SYNE1: variants seen among roughly 807,000 people sequenced by gnomAD.
SYNE1 encodes spectrin repeat containing nuclear envelope protein 1.
A neutral mutation model predicts 1,111.0 loss-of-function variants in SYNE1; 616 were observed. That is an observed-to-expected ratio of 0.55 (90% confidence interval 0.52 to 0.59). The LOEUF (loss-of-function observed/expected upper bound fraction) is 0.59, where lower values mean the gene tolerates loss of function less well. Among genes scored for constraint, SYNE1 ranks in the 20% least tolerant of loss-of-function variants. The pLI is 0.00. For missense variants in SYNE1, 10,006 were observed against 10,417.0 expected, an observed-to-expected ratio of 0.96 and a Z score of 1.72; for synonymous variants, 3,855 against 3,825.8, an observed-to-expected ratio of 1.01 and a Z score of -0.28.
intron 128 of SYNE1, among the ~76,000 whole-genome samples, chr6:152,186,556 C>CAAAAAAAAAAAAAAAAA (rs59187571): frequency 2.6e-4 from 10 of 38,038 alleles, no homozygotes; most frequent in Non-Finnish European, 3.6e-4. Context: ...AGCTCTGTGT[C>CAAAAAAAAAAAAAAAAA]AAAAAAAAAA....
chr6:152,182,886 G>A (rs2068528381), intron 128 of SYNE1, among the ~76,000 whole-genome samples: 1 of 152,090 alleles, frequency 6.6e-6, no homozygotes. Flanking sequence ...TTCTGGGTTG[G>A]GTGACACTGG....
chr6:152,259,226 C>T (rs1158182599), intron 101 of SYNE1, among the ~76,000 whole-genome samples: 1 of 152,112 alleles, frequency 6.6e-6, no homozygotes, highest in Non-Finnish European at 1.5e-5. Context: ...TTTTTCTTAA[C>T]CTTTGTTTCC....
intron 2 of SYNE1, among the ~76,000 whole-genome samples, chr6:152,628,855 G>C (rs1315822490): frequency 6.6e-6 from 1 of 152,078 alleles, no homozygotes; most frequent in African/African-American, 2.4e-5. Context: ...ATTGATCTAT[G>C]AAAGTGGTTT....
At chr6:152,318,660 T>C (rs2095796041) in intron 85 of SYNE1, among the ~76,000 whole-genome samples, 1 of 152,218 alleles carries the variant, frequency 6.6e-6, no homozygotes, top group African/African-American at 2.4e-5. Context: ...TGCATGTATA[T>C]TTATTAATAC....
chr6:152,194,368 T>G (rs1563384496), intron 127 of SYNE1, among the ~76,000 whole-genome samples: 1 of 152,368 alleles, frequency 6.6e-6, no homozygotes, highest in East Asian at 1.9e-4. Flanking sequence ...AAGAGTCTGC[T>G]GCCAGATGTA....
Position 152,330,877 on chromosome 6 carries a change from G to T in SYNE1, c.13808C>A (p.Ala4603Asp). Residue 4603 changes from alanine to aspartate, a missense_variant, in exon 78 of 146, where the codon GCT becomes GAT. This residue lies in a region of SYNE1 where 4,955 missense variants were observed against 5,017.2 expected (regional missense o/e 0.99). Coordinates refer to ENST00000367255, the MANE Select transcript of SYNE1 (RefSeq NM_182961.4). Reference sequence around the variant, plus strand: ...TTGTTCAAGAATGTTTTGGTATTTAGCCAGTTGTGTATGAAGCTCAGAACT... The same window carrying T: ...TTGTTCAAGAATGTTTTGGTATTTATCCAGTTGTGTATGAAGCTCAGAACT... ...NESSELHTQL[A>D]KYQNILEQSP... is the part of the protein sequence containing the mutation. The T allele has an allele frequency of 6.2e-7, 1 of 1,614,036 alleles. No individual in the cohort carries two copies. Among genetic ancestry groups the T allele is most frequent in the Non-Finnish European group, 8.5e-7 (1 of 1,179,940 alleles).
intron 104 of SYNE1, among the ~76,000 whole-genome samples, chr6:152,251,891 TA>T (rs35286630): frequency 1 from 152,224 of 152,250 alleles, 76,099 homozygotes; most frequent in Middle Eastern, 1. Flanking sequence ...TTTTTTTTCT[TA>T]ATAGTCACTG....
rs141275966 is a variant in SYNE1 at position 152,231,401 on chromosome 6, A to T, written c.21029T>A (p.Val7010Glu). The part of the protein sequence containing the change: ...NKSWQILQGL[V>E]TEKIQLLEGL... ...AAGCCACTGGCTTACCTTCTCAGTT[A>T]CTAGACCTTGCAGAATTTGCCAACT... Residue 7010 changes from valine (V) to glutamate (E), a missense_variant, in exon 114 of 146, where the codon GTA becomes GAA. Val to Glu is a moderately radical substitution (Grantham distance 121). Transcript: ENST00000367255. 70 of 1,614,016 alleles carry T rather than the reference A, an allele frequency of 4.3e-5. No homozygotes were observed. In the African/African-American group the frequency reaches 8.7e-4, roughly 20 times the overall value.
intron 145 of SYNE1, among the ~76,000 whole-genome samples, chr6:152,124,971 A>G (rs1395069631): frequency 6.6e-6 from 1 of 152,176 alleles, no homozygotes; most frequent in African/African-American, 2.4e-5. Context: ...TGCGGTGTGT[A>G]CTTATTAACT....
At chr6:152,538,422 G>A (rs1459923516) in intron 4 of SYNE1, among the ~76,000 whole-genome samples, 1 of 152,024 alleles carries the variant, frequency 6.6e-6, no homozygotes, top group Admixed American at 6.6e-5. Context: ...TGAAATAGAG[G>A]CTCCAGAACA....
chr6:152,213,510 C>T (rs1018982661), intron 123 of SYNE1, 102 bp downstream of exon 123: 32 of 1,318,152 alleles, frequency 2.4e-5, no homozygotes, highest in Admixed American at 2.2e-4. Flanking sequence ...TTTAGACACT[C>T]GTGCAAAGGG....
intron 87 of SYNE1, 157 bp from the exon 88 acceptor site, chr6:152,311,030 T>A: frequency 2.8e-6 from 2 of 723,926 alleles, no homozygotes; most frequent in Non-Finnish European, 4.8e-6. Context: ...GGTAGCCACT[T>A]ACTATTATAA....
intron 118 of SYNE1, among the ~76,000 whole-genome samples, 160 bp from the exon 119 acceptor site, chr6:152,221,206 T>C (rs1443360821): frequency 1.3e-5 from 2 of 152,194 alleles, no homozygotes; most frequent in African/African-American, 4.8e-5. Context: ...AGTTTCAGGG[T>C]AGGTAATGAG....
At position 152,628,389 on chromosome 6, in the gene SYNE1, G is replaced by T. The variant is rs138247904; in HGVS notation, c.-58C>A. 2.8e-4 allele frequency: 431 copies of T among 1,526,184 alleles called. 1 individual carries two copies. In the African/African-American group the frequency reaches 5.4e-3, roughly 19 times the overall value. 94.5% of individuals were successfully genotyped at this position (1,526,184 alleles called of 1,614,324 possible). A position where few individuals can be genotyped will look rare whatever the true frequency, so the allele number is the denominator to read the frequency against. On this transcript the variant is annotated 5_prime_UTR_variant, in exon 3 of 146. Transcript: ENST00000367255. ...AGACTCTTCACTGGAGGCAGCACAGGGCTACACCACTCTAGAAAACATGCT... is the reference window on the plus strand; with the variant it reads ...AGACTCTTCACTGGAGGCAGCACAGTGCTACACCACTCTAGAAAACATGCT...
At chr6:152,192,266 G>T (rs1277947246) in intron 127 of SYNE1, among the ~76,000 whole-genome samples, 2 of 151,966 alleles carry the variant, frequency 1.3e-5, no homozygotes, top group African/African-American at 2.4e-5. Flanking sequence ...GGTCCATTTG[G>T]TCTGCAGTGC....
intron 128 of SYNE1, among the ~76,000 whole-genome samples, chr6:152,184,833 C>T (rs1192099045): frequency 6.6e-6 from 1 of 152,106 alleles, no homozygotes; most frequent in Non-Finnish European, 1.5e-5. Context: ...AGGGCAATGG[C>T]ATCTTCCTTC....
Position 152,255,701 on chromosome 6 carries a change from A to G in SYNE1, c.19150T>C (p.Tyr6384His). The G allele has an allele frequency of 6.2e-7, 1 of 1,614,234 alleles. No homozygotes were observed. The highest frequency in any genetic ancestry group is 8.5e-7 in the Non-Finnish European group (1 of 1,180,048). The change falls in exon 103 of 146, where the codon TAT (tyrosine) becomes CAT (histidine). Residue 6384 changes from tyrosine (Y) to histidine (H), a missense_variant. Physicochemically the swap from Tyr to His is moderately conservative, Grantham distance 83 (BLOSUM62 2). This residue lies in a region of SYNE1 where 2,182 missense variants were observed against 2,287.8 expected (regional missense o/e 0.95). Transcript: ENST00000367255. Reference protein sequence around the residue: ...RQSIHLEQKLYDGVSATSTWL... With the variant: ...RQSIHLEQKLHDGVSATSTWL... ...GTAGAGGTGGCTGAGACTCCATCAT[A>G]CAACTTCTGCTCCAAGTGTATACTC...
At chr6:152,388,828 C>T (rs760666961) in intron 53 of SYNE1, among the ~76,000 whole-genome samples, 5 of 152,240 alleles carry the variant, frequency 3.3e-5, no homozygotes, top group Non-Finnish European at 7.3e-5. Flanking sequence ...CTGCTTCCTG[C>T]ATGTAACATC....
At chr6:152,156,265 A>G (rs2061353362) in intron 131 of SYNE1, among the ~76,000 whole-genome samples, 168 bp from the exon 132 acceptor site, 1 of 152,244 alleles carries the variant, frequency 6.6e-6, no homozygotes, top group Admixed American at 6.5e-5. Flanking sequence ...CAAGCTCAAA[A>G]GTACTAGAAA....
Sources: allele counts gnomAD v4.1 joint callset (sites outside exome capture counted in the v4.1 genomes callset), GRCh38; gene constraint gnomAD v4.1.1; regional missense constraint gnomAD v4.1.1; transcripts MANE v1.5; gene names NCBI Gene and HGNC (gene_info 2026-07-23, HGNC 2026-07-21).